Variants in DCDC2 observed in about 807,000 individuals in gnomAD.
The protein encoded by DCDC2 is doublecortin domain-containing protein 2.
In DCDC2, 40 loss-of-function variants were observed where a neutral mutation model predicts 50.2. The ratio of observed to expected loss-of-function variants is 0.80; its 90% CI spans 0.62 to 1.04. The LOEUF (loss-of-function observed/expected upper bound fraction) is 1.04. Ranked by LOEUF, DCDC2 falls within the 50% of genes least tolerant of loss-of-function variation. The probability of loss-of-function intolerance (pLI) is 0.00; values close to 1 mark genes in which losing one functional copy is unlikely to be tolerated. For synonymous variants in DCDC2, 234 were observed against 210.6 expected, an observed-to-expected ratio of 1.11 and a Z score of -0.96; for missense variants, 570 against 581.9, an observed-to-expected ratio of 0.98 and a Z score of 0.21.
At chr6:24,239,928 A>G (rs1458298648) in intron 7 of DCDC2, among the ~76,000 whole-genome samples, 2 of 152,194 alleles carry the variant, frequency 1.3e-5, no homozygotes, top group Non-Finnish European at 2.9e-5. Context: ...GAAAACATAC[A>G]TATAATAATA....
At position 24,178,298 on chromosome 6, in the gene DCDC2, T is replaced by G. The variant is rs773566102; in HGVS notation, c.1326+32A>C. On this transcript the variant is annotated intron_variant, in intron 9 of 9. Coordinates refer to ENST00000378454, the MANE Select transcript of DCDC2 (RefSeq NM_016356.5). Reference sequence around the variant, plus strand: ...ATGTACACACACACATATTCATGCATTCACATAAGCAAGCAAAAGCAATAG... The same window carrying G: ...ATGTACACACACACATATTCATGCAGTCACATAAGCAAGCAAAAGCAATAG... The G allele has an allele frequency of 5.0e-6, 8 of 1,596,658 alleles. No homozygotes were observed. The African/African-American group carries it at 1.1e-4, about 21-fold the overall frequency.
intron 2 of DCDC2, among the ~76,000 whole-genome samples, chr6:24,340,750 A>G (rs1016653557): frequency 6.6e-6 from 1 of 152,174 alleles, no homozygotes; most frequent in Non-Finnish European, 1.5e-5. Flanking sequence ...TTTTGAGACA[A>G]TGTCTCACTC....
chr6:24,314,867 G>A (rs1259306645), intron 2 of DCDC2, among the ~76,000 whole-genome samples: 1 of 152,104 alleles, frequency 6.6e-6, no homozygotes. Context: ...AACTTGCATT[G>A]TTCTAGGTGG....
chr6:24,341,518 T>TTA lies in DCDC2; in HGVS notation c.348+12050_348+12051insTA, dbSNP rs906821346. On this transcript the variant is annotated intron_variant, in intron 2 of 9. Transcript: ENST00000378454. ...GTGCAAATAGAGACCTACCTTTTTTTAAAAAAAAAAAATGCCTCCATCCAT... is the reference window on the plus strand; with the variant it reads ...GTGCAAATAGAGACCTACCTTTTTTTTAAAAAAAAAAAAATGCCTCCATCCAT... Among the ~76,000 whole-genome samples the TTA allele has an allele frequency of 7.9e-3, 1,181 of 149,306 alleles. 17 individuals carry two copies. Among genetic ancestry groups the TTA allele is most frequent in the African/African-American group, 0.025 (1,012 of 40,760 alleles).
intron 2 of DCDC2, 105 bp from the exon 3 acceptor site, chr6:24,302,149 G>T: frequency 1.0e-6 from 1 of 962,458 alleles, no homozygotes; most frequent in Non-Finnish European, 1.5e-6. Flanking sequence ...GAGACTTCCT[G>T]TGCCTTTGTT....
chr6:24,356,558 TA>T (rs529626703), intron 1 of DCDC2, among the ~76,000 whole-genome samples: 8 of 149,016 alleles, frequency 5.4e-5, no homozygotes, highest in East Asian at 2.0e-4. Flanking sequence ...AATAAAGCTG[TA>T]AAAAAAAAAT....
chr6:24,353,172 T>C (rs566134640), intron 2 of DCDC2: 36 of 391,300 alleles, frequency 9.2e-5, no homozygotes, highest in African/African-American at 6.6e-4. Flanking sequence ...CAGGGGCAGT[T>C]AGGGTGACCC....
intron 7 of DCDC2, among the ~76,000 whole-genome samples, chr6:24,226,438 G>A (rs774923832): frequency 6.6e-6 from 1 of 152,212 alleles, no homozygotes; most frequent in Non-Finnish European, 1.5e-5. Flanking sequence ...CACTACTATG[G>A]CTGGACCATC....
At chr6:24,280,606 G>A (rs1026920799) in intron 6 of DCDC2, among the ~76,000 whole-genome samples, 1 of 151,680 alleles carries the variant, frequency 6.6e-6, no homozygotes, top group Non-Finnish European at 1.5e-5. Flanking sequence ...GTGCAATCTC[G>A]GCTCACTGCA....
chr6:24,215,248 G>A (rs1416908304), intron 7 of DCDC2, among the ~76,000 whole-genome samples: 1 of 152,202 alleles, frequency 6.6e-6, no homozygotes, highest in Non-Finnish European at 1.5e-5. Flanking sequence ...AAGGCTTGGA[G>A]GCATTGCAGG....
intron 4 of DCDC2, among the ~76,000 whole-genome samples, chr6:24,294,306 G>C (rs1763815033): frequency 6.6e-6 from 1 of 152,070 alleles, no homozygotes; most frequent in South Asian, 2.1e-4. Context: ...AATGAACAGA[G>C]ATCATGCCAC....
chr6:24,358,458 C>T (rs1760525431), upstream of DCDC2, among the ~76,000 whole-genome samples: 1 of 147,728 alleles, frequency 6.8e-6, no homozygotes, highest in Non-Finnish European at 1.5e-5. Context: ...TATAACGCGC[C>T]TGTGATCCCC....
intron 9 of DCDC2, among the ~76,000 whole-genome samples, chr6:24,176,455 C>T (rs1364028068): frequency 6.8e-6 from 1 of 147,586 alleles, no homozygotes; most frequent in East Asian, 2.4e-4. Context: ...CAATTCCTAT[C>T]AAAAGCCTAT....
Position 24,216,749 on chromosome 6 carries a change from T to G in DCDC2, c.923-11647A>C, listed in dbSNP as rs186397064. Among the ~76,000 whole-genome samples the G allele has an allele frequency of 3.3e-5, 5 of 152,372 alleles. No individual in the cohort carries two copies. In the East Asian group the frequency reaches 9.6e-4, roughly 29 times the overall value. On this transcript the variant is annotated intron_variant, in intron 7 of 9. Transcript: ENST00000378454. ...AGCATGTCTCATGAAATGCAAACAT[T>G]TGTACAGAAATTTAAACAATTCCCA...
chr6:24,349,646 C>T (rs373162388), intron 2 of DCDC2, among the ~76,000 whole-genome samples: 6 of 151,918 alleles, frequency 3.9e-5, no homozygotes, highest in Admixed American at 2.0e-4. Context: ...AGGTGGGACA[C>T]GAGGAAGCAA....
At chr6:24,270,941 G>A (rs952235604) in intron 7 of DCDC2, among the ~76,000 whole-genome samples, 1 of 152,248 alleles carries the variant, frequency 6.6e-6, no homozygotes, top group East Asian at 1.9e-4. Context: ...TTCAGACCTG[G>A]CAGGGCACAG....
upstream of DCDC2, among the ~76,000 whole-genome samples, chr6:24,358,912 T>TA (rs1561788521): frequency 5.0e-3 from 132 of 26,548 alleles, 4 homozygotes; most frequent in African/African-American, 0.035. Flanking sequence ...ATATTATATA[T>TA]TATATATATT....
chr6:24,358,895 A>AT, upstream of DCDC2, among the ~76,000 whole-genome samples: 20 of 40,598 alleles, frequency 4.9e-4, no homozygotes, highest in South Asian at 2.0e-3. Context: ...ATATTTATAT[A>AT]TATAATATAT....
chr6:24,290,214 C>T (rs973306624), intron 5 of DCDC2, among the ~76,000 whole-genome samples: 8 of 151,220 alleles, frequency 5.3e-5, no homozygotes, highest in South Asian at 4.2e-4. Context: ...GGGATGGTCT[C>T]GATCTCCTGA....
Sources: gnomAD v4.1 joint callset for allele counts (sites outside exome capture counted in the v4.1 genomes callset) on GRCh38, gnomAD v4.1.1 for gene constraint, MANE v1.5 for transcripts, NCBI Gene and HGNC (gene_info 2026-07-23, HGNC 2026-07-21) for gene names.